The following SLC49A3 variants were observed in gnomAD, a reference collection of about 807,000 sequenced individuals.
The protein encoded by SLC49A3 is solute carrier family 49 member A3.
A neutral mutation model predicts 43.8 loss-of-function variants in SLC49A3; 50 were observed. The observed-to-expected ratio is 1.14, with a 90% CI of 0.91 to 1.45. SLC49A3 has a LOEUF of 1.45. Ranked by LOEUF, SLC49A3 falls within the 40% of genes most tolerant of loss-of-function variation. The probability of loss-of-function intolerance (pLI) is 0.00; values close to 1 mark genes in which losing one functional copy is unlikely to be tolerated. For synonymous variants in SLC49A3, 413 were observed against 352.0 expected, an observed-to-expected ratio of 1.17 and a Z score of -1.94; for missense variants, 906 against 774.1, an observed-to-expected ratio of 1.17 and a Z score of -2.02.
chr4:684,391 C>G, intron 6 of SLC49A3, 92 bp downstream of exon 6: 2 of 1,539,764 alleles, frequency 1.3e-6, no homozygotes, highest in Non-Finnish European at 1.8e-6. Flanking sequence ...CCGCCAGGGT[C>G]GGACACTGGG....
At position 683,231 on chromosome 4, in the gene SLC49A3, G is replaced by A. The variant is rs754872895; in HGVS notation, c.1130C>T (p.Thr377Ile). 9 of 1,612,838 alleles carry A rather than the reference G, an allele frequency of 5.6e-6. No individual in the cohort carries two copies. Among genetic ancestry groups the A allele is most frequent in the Middle Eastern group, 1.6e-4 (1 of 6,062 alleles). Residue 377 changes from threonine (T) to isoleucine (I), a missense_variant, in exon 8 of 10, where the codon ACA (threonine) becomes ATA (isoleucine). By Grantham distance (89) the Thr-to-Ile change is moderately conservative. Transcript: ENST00000322224. ...CSFPVGEGAA[T>I]GMIFVLGQAE... The stretch of plus-strand genomic sequence containing the variant: ...TCACCCCAGCACAAAGATCATGCCT[G>A]TGGCAGCCCCCTCCCCCACGGGGAA...
At chr4:689,497 G>C (rs1741681243), upstream of SLC49A3, 2 of 168,874 alleles carry the variant, frequency 1.2e-5, no homozygotes, top group Non-Finnish European at 1.3e-5. Context: ...ACTTCCTGAA[G>C]GGGGCTGTGG....
chr4:680,642 A>T (rs558121750), downstream of SLC49A3: 17 of 1,558,936 alleles, frequency 1.1e-5, no homozygotes, highest in African/African-American at 1.8e-4. Flanking sequence ...CAGTGATCTC[A>T]TCCTGTCCCA....
At chr4:676,945 C>G, downstream of SLC49A3, 1 of 985,278 alleles carries the variant, frequency 1.0e-6, no homozygotes, top group Non-Finnish European at 1.2e-6. Flanking sequence ...TCTCAGGGGA[C>G]GCCAACTGTG....
downstream of SLC49A3, chr4:678,287 G>A: frequency 6.9e-7 from 1 of 1,439,204 alleles, no homozygotes; most frequent in South Asian, 1.4e-5. Context: ...AGCAGGATGA[G>A]GGGGTTCCTG....
chr4:678,798 C>T, downstream of SLC49A3: 2 of 1,607,726 alleles, frequency 1.2e-6, no homozygotes, highest in Non-Finnish European at 8.5e-7. Context: ...GGAGCCCCCA[C>T]CCCCAGGAGC....
At position 685,785 on chromosome 4, in the gene SLC49A3, CAT is replaced by C; in HGVS notation, c.585+48_585+49del. ...TTGGGATCAGGAACACACAGACGTG[CAT>C]GCGCACACACCACACAGACCAGGCA... On this transcript the variant is annotated intron_variant, in intron 4 of 9. Coordinates refer to ENST00000322224, the MANE Select transcript of SLC49A3 (RefSeq NM_032219.4). This position sits in a 1 kb window ranked among gnomAD's most constrained non-coding sequence, Gnocchi z 4.3. The C allele has an allele frequency of 6.3e-7, 1 of 1,583,878 alleles. No individual in the cohort carries two copies. The highest frequency in any genetic ancestry group is 8.7e-7 in the Non-Finnish European group (1 of 1,153,356).
In SLC49A3 at chr4:689,102, G is replaced by C. The variant is rs756363936; in HGVS notation, c.26C>G (p.Thr9Arg). MAGPTEAE[T>R]GLAEPRALCA... is the part of the protein sequence containing the mutation. ...CAGGGCCCGGGGCTCGGCCAACCCC[G>C]TCTCGGCCTCCGTCGGCCCCGCCAT... Residue 9 changes from threonine to arginine, a missense_variant, in exon 1 of 10, where the codon ACG (threonine) becomes AGG (arginine). By Grantham distance (71) the Thr-to-Arg change is moderately conservative (BLOSUM62 -1). Coordinates refer to ENST00000322224, the MANE Select transcript of SLC49A3 (RefSeq NM_032219.4). 5.5e-6 allele frequency: 8 copies of C among 1,462,678 alleles called. No homozygotes were observed. The East Asian group carries it at 8.8e-5, about 16-fold the overall frequency. 90.6% of individuals were successfully genotyped at this position (1,462,678 alleles called of 1,614,324 possible).
intron 8 of SLC49A3, 61 bp downstream of exon 8, chr4:683,149 G>A (rs1740167978): frequency 1.3e-6 from 2 of 1,588,524 alleles, no homozygotes; most frequent in Non-Finnish European, 1.7e-6. Flanking sequence ...AACCCCAGGG[G>A]TGTAGGGGTG....
In SLC49A3 at chr4:682,885, G is replaced by A. The variant is rs1380320020; in HGVS notation, c.1157C>T (p.Ala386Val). 4.4e-6 allele frequency: 7 copies of A among 1,591,246 alleles called. No individual in the cohort carries two copies. The Admixed American group carries it at 6.8e-5, about 15-fold the overall frequency. ...TGCCAGCATGATGAGTATTCCCTCGGCCTGCCTGGACACACGTGGCCCTCA... is the reference window on the plus strand; with the variant it reads ...TGCCAGCATGATGAGTATTCCCTCGACCTGCCTGGACACACGTGGCCCTCA... ...ATGMIFVLGQ[A>V]EGILIMLAMT... Residue 386 changes from alanine to valine, a missense_variant, in exon 9 of 10, where the codon GCC becomes GTC. Physicochemically the swap from Ala to Val is moderately conservative, Grantham distance 64. Coordinates refer to ENST00000322224, the MANE Select transcript of SLC49A3 (RefSeq NM_032219.4).
At chr4:686,060 G>C (rs1330695665) in intron 3 of SLC49A3, 29 bp downstream of exon 3, 1 of 1,612,096 alleles carries the variant, frequency 6.2e-7, no homozygotes, top group East Asian at 2.2e-5. Context: ...GGTGAGCCCA[G>C]GCAGGCGGCC....
chr4:683,919 G>C (rs948682643), intron 6 of SLC49A3, among the ~76,000 whole-genome samples, 158 bp from the exon 7 acceptor site: 2 of 152,144 alleles, frequency 1.3e-5, no homozygotes, highest in Non-Finnish European at 2.9e-5. Context: ...CTGCGGGGTA[G>C]GGTTTCCTGC....
downstream of SLC49A3, chr4:677,813 G>C (rs1738995953): frequency 2.8e-6 from 2 of 707,278 alleles, no homozygotes; most frequent in Non-Finnish European, 5.0e-6. Flanking sequence ...GGGGAGGCTG[G>C]GGGCCTTGCG....
At chr4:678,692 C>T (rs1412810941), downstream of SLC49A3, 1 of 1,611,372 alleles carries the variant, frequency 6.2e-7, no homozygotes, top group Non-Finnish European at 8.5e-7. Flanking sequence ...GAAGGGGGTG[C>T]CCTCCGGGCC....
In SLC49A3 at chr4:682,221, G is replaced by A. The variant is rs768396725; in HGVS notation, c.1417C>T (p.Arg473Ter). 6 of 1,379,100 alleles carry A rather than the reference G, an allele frequency of 4.4e-6. No homozygotes were observed. The South Asian group carries it at 8.8e-5, about 20-fold the overall frequency. The allele number at this position is 1,379,100 out of a possible 1,614,324, so 85.4% of individuals were successfully genotyped here. A position where few individuals can be genotyped will look rare whatever the true frequency, so the allele number is the denominator to read the frequency against. The part of the protein sequence containing the change: ...GGADSGPGVD[R>*]GGAGRAGVLG... ...ACCCCAGCCCTTCCTGCTCCCCCTC[G>A]GTCCACACCCGGCCCTGAGTCTGCG... The change falls in exon 10 of 10, where the codon CGA (arginine) becomes TGA (stop). Residue 473 changes from arginine (R) to a stop codon, truncating the protein, a stop_gained. Coordinates refer to ENST00000322224, the MANE Select transcript of SLC49A3 (RefSeq NM_032219.4). LOFTEE classifies it low-confidence loss of function (END_TRUNC).
At position 684,614 on chromosome 4, in the gene SLC49A3, C is replaced by T; in HGVS notation, c.724-15G>A. On this transcript the variant is annotated splice_polypyrimidine_tract_variant and intron_variant, in intron 5 of 9. Transcript: ENST00000322224. ...TTCCACATGAGCTGCTGGGAAAGAG[C>T]GTCTCAGCCCCGGAGCCCGGGGGCC... The T allele has an allele frequency of 2.5e-6, 4 of 1,612,354 alleles. No individual in the cohort carries two copies. Among genetic ancestry groups the T allele is most frequent in the African/African-American group, 1.3e-5 (1 of 74,998 alleles).
chr4:685,180 GGTGCAGAGGCACAC>G lies in SLC49A3; in HGVS notation c.586-338_586-325del. The G allele has an allele frequency of 2.3e-6, 1 of 435,408 alleles. No homozygotes were observed. The highest frequency in any genetic ancestry group is 4.6e-5 in the East Asian group (1 of 21,542). The allele number at this position is 435,408 out of a possible 1,614,324, so 27.0% of individuals were successfully genotyped here. On this transcript the variant is annotated intron_variant, in intron 4 of 9. Coordinates refer to ENST00000322224, the MANE Select transcript of SLC49A3 (RefSeq NM_032219.4). This position sits in a 1 kb window ranked among gnomAD's most constrained non-coding sequence, Gnocchi z 4.3. ...AGGGCTCAACACACAGACACAGGTG[GGTGCAGAGGCACAC>G]GTGCATACAGACTCACGCTCAGTAC...
At position 682,004 on chromosome 4, in the gene SLC49A3, G is replaced by A. The variant is rs200078959; in HGVS notation, c.1634C>T (p.Pro545Leu). 5.6e-6 allele frequency: 8 copies of A among 1,421,930 alleles called. No individual in the cohort carries two copies. The highest frequency in any genetic ancestry group is 3.0e-5 in the African/African-American group (2 of 67,530). The allele number at this position is 1,421,930 out of a possible 1,614,324, so 88.1% of individuals were successfully genotyped here. The part of the protein sequence containing the change: ...GRVQASRFID[P>L]AGSHSSFSSP... ...GGAGAAGGAGGAGTGAGACCCAGCC[G>A]GGTCAATAAACCTGGACGCTTGGAC... Residue 545 changes from proline (P) to leucine (L), a missense_variant, in exon 10 of 10, where the codon CCG becomes CTG. Physicochemically the swap from Pro to Leu is moderately conservative, Grantham distance 98. Transcript: ENST00000322224.
downstream of SLC49A3, chr4:681,722 C>T (rs1284087986): frequency 4.1e-6 from 1 of 245,340 alleles, no homozygotes; most frequent in African/African-American, 3.5e-5. Flanking sequence ...CCAGCGCCGC[C>T]CCGCCCCCTC....
Sources: gnomAD v4.1 joint callset for allele counts (sites outside exome capture counted in the v4.1 genomes callset) on GRCh38, gnomAD v4.1.1 for gene constraint, Gnocchi (gnomAD v3.1) non-coding constraint, MANE v1.5 for transcripts, NCBI Gene and HGNC (gene_info 2026-07-23, HGNC 2026-07-21) for gene names.